Variants in MYO16 observed in about 807,000 individuals in gnomAD.
MYO16 encodes unconventional myosin-XVI.
A neutral mutation model predicts 205.3 loss-of-function variants in MYO16; 94 were observed. That is an observed-to-expected ratio of 0.46 (90% CI 0.39 to 0.54). MYO16 has a LOEUF of 0.54. Ranked by LOEUF, MYO16 falls within the 20% of genes least tolerant of loss-of-function variation. The pLI is 0.00. For missense variants in MYO16, 2,315 were observed against 2,387.5 expected (o/e 0.97, Z 0.63); for synonymous variants, 988 against 954.0 (o/e 1.04, Z -0.66).
At chr13:109,199,045 C>T (rs1310181442) in intron 34 of MYO16, among the ~76,000 whole-genome samples, 2 of 151,676 alleles carry the variant, frequency 1.3e-5, no homozygotes, top group Non-Finnish European at 2.9e-5. Flanking sequence ...AAACCCTTCT[C>T]CTCGCATGTT....
chr13:109,001,152 T>C (rs1166634101), intron 21 of MYO16, among the ~76,000 whole-genome samples: 1 of 150,878 alleles, frequency 6.6e-6, no homozygotes, highest in East Asian at 1.9e-4. Flanking sequence ...GATTGATTCC[T>C]TTAAGAAATA....
At chr13:108,869,454 G>A (rs901915813) in intron 12 of MYO16, among the ~76,000 whole-genome samples, 2 of 151,796 alleles carry the variant, frequency 1.3e-5, no homozygotes, top group Admixed American at 6.6e-5. Flanking sequence ...GCCGGGCGCG[G>A]TGGCTCACTC....
the MYO16 span, among the ~76,000 whole-genome samples, chr13:108,540,787 T>G: frequency 5.9e-5 from 9 of 152,096 alleles, no homozygotes; most frequent in Non-Finnish European, 1.3e-4. Flanking sequence ...TTTGAAGAGC[T>G]TAGTTGGATC....
intron 6 of MYO16, among the ~76,000 whole-genome samples, chr13:108,800,834 A>C (rs1251098788): frequency 6.6e-6 from 1 of 152,318 alleles, no homozygotes; most frequent in Non-Finnish European, 1.5e-5. Flanking sequence ...CATAATATTT[A>C]ACATTTTACA....
At chr13:108,813,454 T>C (rs540245539) in intron 7 of MYO16, among the ~76,000 whole-genome samples, 1 of 152,266 alleles carries the variant, frequency 6.6e-6, no homozygotes, top group Admixed American at 6.5e-5. Flanking sequence ...TCAATCATTT[T>C]TAGCTTCTGA....
intron 6 of MYO16, among the ~76,000 whole-genome samples, chr13:108,795,084 G>A (rs1213080243): frequency 1.3e-5 from 2 of 151,882 alleles, no homozygotes; most frequent in African/African-American, 2.4e-5. Flanking sequence ...CGTTGTTATA[G>A]TCTCCTAAAG....
chr13:108,531,363 T>G, the MYO16 span, among the ~76,000 whole-genome samples: 2 of 152,124 alleles, frequency 1.3e-5, no homozygotes, highest in Non-Finnish European at 2.9e-5. Context: ...CAGTGTGCAA[T>G]GAAGATGGTC....
intron 14 of MYO16, among the ~76,000 whole-genome samples, chr13:108,890,102 G>GTC (rs1317047320): frequency 3.0e-5 from 2 of 65,708 alleles, no homozygotes; most frequent in Admixed American, 1.9e-4. Context: ...GCTAATTTTT[G>GTC]TATTTTTTTT....
intron 16 of MYO16, among the ~76,000 whole-genome samples, chr13:108,949,921 A>G (rs544268812): frequency 6.6e-6 from 1 of 152,226 alleles, no homozygotes; most frequent in East Asian, 1.9e-4. Flanking sequence ...ATACAAAACA[A>G]TCGAGTGGAG....
At chr13:109,052,534 C>T (rs1887279294) in intron 25 of MYO16, 59 bp downstream of exon 25, 2 of 1,275,636 alleles carry the variant, frequency 1.6e-6, no homozygotes, top group East Asian at 2.5e-5. Flanking sequence ...ATATTTGCTT[C>T]TTTTTTTTTA....
chr13:108,967,440 T>C (rs948656002), intron 20 of MYO16, among the ~76,000 whole-genome samples: 2 of 152,200 alleles, frequency 1.3e-5, no homozygotes, highest in African/African-American at 4.8e-5. Flanking sequence ...GTTGATGCGA[T>C]TAATTAAAAT....
intron 19 of MYO16, 87 bp from the exon 20 acceptor site, chr13:108,964,674 G>A (rs761997672): frequency 5.9e-5 from 79 of 1,347,700 alleles, no homozygotes; most frequent in Admixed American, 1.4e-4. Context: ...GGATGTGTGG[G>A]GAATTAATAG....
At chr13:109,134,329 C>T (rs1157926518) in intron 31 of MYO16, among the ~76,000 whole-genome samples, 7 of 152,160 alleles carry the variant, frequency 4.6e-5, no homozygotes, top group South Asian at 2.1e-4. Context: ...GGCTCTTCAC[C>T]GCATCTGAAT....
intron 21 of MYO16, among the ~76,000 whole-genome samples, chr13:108,998,347 T>C (rs1000413261): frequency 7.9e-5 from 12 of 152,136 alleles, no homozygotes; most frequent in Non-Finnish European, 1.3e-4. Context: ...TAAACATATA[T>C]TGTATATGCC....
intron 10 of MYO16, among the ~76,000 whole-genome samples, chr13:108,853,972 G>GTGTGTGTGTT (rs1249489983): frequency 1.3e-5 from 2 of 151,264 alleles, no homozygotes; most frequent in African/African-American, 4.9e-5. Context: ...GTGTGTGTGT[G>GTGTGTGTGTT]TGTGTGTGTG....
chr13:108,601,009 C>T (rs538033704), intron 1 of MYO16, among the ~76,000 whole-genome samples: 44 of 152,090 alleles, frequency 2.9e-4, no homozygotes, highest in African/African-American at 1.0e-3. Context: ...AATCCCAGGT[C>T]CTTTTTACTT....
At chr13:109,121,934 GCCTTCTTAA>G (rs1309117895) in intron 29 of MYO16, among the ~76,000 whole-genome samples, 1 of 152,186 alleles carries the variant, frequency 6.6e-6, no homozygotes, top group East Asian at 1.9e-4. Context: ...TGATGACCTG[GCCTTCTTAA>G]CTTCAACCTT....
rs187237402 is a variant in MYO16, at chr13:108,943,328, A to G, written c.1926-14360A>G. Among the ~76,000 whole-genome samples the G allele has an allele frequency of 2.6e-5, 4 of 152,356 alleles. No individual in the cohort carries two copies. In the East Asian group the frequency reaches 7.7e-4, roughly 29 times the overall value. On this transcript the variant is annotated intron_variant, in intron 16 of 34. Coordinates refer to ENST00000457511, the MANE Select transcript of MYO16 (RefSeq NM_001198950.3). Reference sequence around the variant, plus strand: ...TTGTTGCTGAAATGCAAAATGAGTTATGTAACATTTCATTAGACCCTACGA... The same window carrying G: ...TTGTTGCTGAAATGCAAAATGAGTTGTGTAACATTTCATTAGACCCTACGA...
rs780353228 is a variant in MYO16, at chr13:109,140,983, C to G, written c.4771C>G (p.Pro1591Ala). The G allele has an allele frequency of 7.2e-7, 1 of 1,394,180 alleles. No homozygotes were observed. Among genetic ancestry groups the G allele is most frequent in the Admixed American group, 3.0e-5 (1 of 33,364 alleles). 86.4% of individuals were successfully genotyped at this position (1,394,180 alleles called of 1,614,324 possible). A position where few individuals can be genotyped will look rare whatever the true frequency, so the allele number is the denominator to read the frequency against. ...ALFNGSGRASPPSTPPPPPPP... is the reference protein window; with the variant it reads ...ALFNGSGRASAPSTPPPPPPP... ...GTTCAACGGGTCCGGCCGAGCCTCC[C>G]CGCCGTCCACGCCGCCCCCGCCCCC... Residue 1591 changes from proline (P) to alanine (A), a missense_variant, in exon 32 of 35, where the codon CCG becomes GCG. Coordinates refer to ENST00000457511, the MANE Select transcript of MYO16 (RefSeq NM_001198950.3). This position sits in a 1 kb window ranked among gnomAD's most constrained non-coding sequence, Gnocchi z 8.0.
Sources: gnomAD v4.1 joint callset for allele counts (sites outside exome capture counted in the v4.1 genomes callset) on GRCh38, gnomAD v4.1.1 for gene constraint, Gnocchi (gnomAD v3.1) non-coding constraint, MANE v1.5 for transcripts, NCBI Gene and HGNC (gene_info 2026-07-23, HGNC 2026-07-21) for gene names.